The following PDE1C variants were observed in gnomAD, a reference collection of about 807,000 sequenced individuals.
The protein encoded by PDE1C is phosphodiesterase 1C, also known as dual specificity calcium/calmodulin-dependent 3',5'-cyclic nucleotide phosphodiesterase 1C.
A neutral mutation model predicts 93.1 loss-of-function variants in PDE1C; 62 were observed. That is an observed-to-expected ratio of 0.67 (90% confidence interval 0.54 to 0.82). PDE1C has a LOEUF of 0.82. PDE1C is among the 40% of genes least tolerant of loss of function. PDE1C has a pLI of 0.00. For missense variants in PDE1C, 742 were observed against 884.6 expected (o/e 0.84, Z 2.04); for synonymous variants, 325 against 310.1 (o/e 1.05, Z -0.50).
chr7:32,012,214 G>A (rs1040851872), intron 2 of PDE1C, among the ~76,000 whole-genome samples: 1 of 151,800 alleles, frequency 6.6e-6, no homozygotes, highest in Non-Finnish European at 1.5e-5. Context: ...ACACTGGCTT[G>A]GCCTCTAGTG....
upstream of PDE1C, among the ~76,000 whole-genome samples, chr7:32,071,731 G>A (rs1445133382): frequency 5.9e-5 from 9 of 152,106 alleles, no homozygotes; most frequent in African/African-American, 2.2e-4. Flanking sequence ...CTGGAAGAAC[G>A]GGACCAGGTA....
At chr7:31,925,316 G>T (rs1218361035) in intron 2 of PDE1C, among the ~76,000 whole-genome samples, 1 of 152,024 alleles carries the variant, frequency 6.6e-6, no homozygotes, top group Non-Finnish European at 1.5e-5. Flanking sequence ...CCATCAGTGG[G>T]GAGAATAGTT....
At chr7:32,245,435 C>A (rs1003316254) in intron 1 of PDE1C, among the ~76,000 whole-genome samples, 4 of 152,230 alleles carry the variant, frequency 2.6e-5, no homozygotes, top group Non-Finnish European at 5.9e-5. Context: ...GAATTCATTT[C>A]TGTGAGCTTT....
At chr7:32,345,618 T>A (rs1268191665) in intron 1 of PDE1C, among the ~76,000 whole-genome samples, 2 of 152,162 alleles carry the variant, frequency 1.3e-5, no homozygotes, top group Non-Finnish European at 2.9e-5. Flanking sequence ...TGACTTGTAT[T>A]CAGAAGACAT....
chr7:31,724,589 C>T, the PDE1C span, among the ~76,000 whole-genome samples: 3 of 152,180 alleles, frequency 2.0e-5, no homozygotes, highest in African/African-American at 7.2e-5. Flanking sequence ...TAGCCCAGTG[C>T]CCCACAGCCC....
chr7:32,376,892 T>C (rs1322062217), intron 1 of PDE1C, among the ~76,000 whole-genome samples: 2 of 152,098 alleles, frequency 1.3e-5, no homozygotes, highest in African/African-American at 4.8e-5. Context: ...TTTCACCATG[T>C]CAGCCAGGAT....
chr7:31,709,970 A>G, the PDE1C span, among the ~76,000 whole-genome samples: 1,001 of 152,100 alleles, frequency 6.6e-3, 8 homozygotes, highest in African/African-American at 0.023. Flanking sequence ...GGCAACACAG[A>G]GAGACTCTGT....
At chr7:32,125,293 T>C (rs1308880651) in intron 3 of PDE1C, among the ~76,000 whole-genome samples, 2 of 152,146 alleles carry the variant, frequency 1.3e-5, no homozygotes, top group African/African-American at 4.8e-5. Context: ...GTTCAATAAT[T>C]ATGGAAGACA....
intron 1 of PDE1C, among the ~76,000 whole-genome samples, chr7:32,327,970 T>C (rs1266214821): frequency 6.6e-6 from 1 of 152,176 alleles, no homozygotes; most frequent in Non-Finnish European, 1.5e-5. Context: ...TTTAGATCAT[T>C]TCCAGTTTGA....
chr7:32,268,714 G>T (rs1422033971), intron 1 of PDE1C, among the ~76,000 whole-genome samples: 1 of 152,134 alleles, frequency 6.6e-6, no homozygotes, highest in African/African-American at 2.4e-5. Context: ...GGGAAAAAAT[G>T]AATTTATTAT....
chr7:32,201,923 C>T (rs182071726), intron 2 of PDE1C, among the ~76,000 whole-genome samples: 307 of 152,260 alleles, frequency 2.0e-3, no homozygotes, highest in Middle Eastern at 0.017. Flanking sequence ...GGAGGAGCTT[C>T]GTAGCACATC....
At chr7:32,262,083 G>A (rs1810249127) in intron 1 of PDE1C, among the ~76,000 whole-genome samples, 1 of 150,344 alleles carries the variant, frequency 6.7e-6, no homozygotes, top group Non-Finnish European at 1.5e-5. Context: ...ACCAGGTAGA[G>A]GGGTAGAACT....
chr7:32,232,614 A>C (rs1807784103), intron 1 of PDE1C, among the ~76,000 whole-genome samples: 1 of 152,234 alleles, frequency 6.6e-6, no homozygotes, highest in East Asian at 1.9e-4. Flanking sequence ...CACATGAGGG[A>C]CATGGTGGAA....
At chr7:31,998,276 C>T (rs1421322480) in intron 2 of PDE1C, among the ~76,000 whole-genome samples, 1 of 152,164 alleles carries the variant, frequency 6.6e-6, no homozygotes, top group Non-Finnish European at 1.5e-5. Flanking sequence ...GCCTTGGCCT[C>T]CCAAAGTGCT....
At chr7:31,928,942 C>T (rs1803789133) in intron 2 of PDE1C, among the ~76,000 whole-genome samples, 1 of 152,158 alleles carries the variant, frequency 6.6e-6, no homozygotes, top group South Asian at 2.1e-4. Context: ...CAATATTAAC[C>T]TTAAATGTAA....
intron 2 of PDE1C, among the ~76,000 whole-genome samples, chr7:31,884,827 CCTCT>C (rs1409521138): frequency 6.6e-6 from 1 of 152,120 alleles, no homozygotes; most frequent in African/African-American, 2.4e-5. Flanking sequence ...AATAAGGACC[CCTCT>C]CTATTTGTCA....
chr7:32,049,903 G>T (rs1019375378), intron 2 of PDE1C, among the ~76,000 whole-genome samples: 14 of 152,230 alleles, frequency 9.2e-5, no homozygotes, highest in African/African-American at 3.1e-4. Context: ...TGTGTCCTTA[G>T]GCAATATTGA....
At chr7:32,184,416 A>G (rs952911532) in intron 2 of PDE1C, among the ~76,000 whole-genome samples, 1 of 152,206 alleles carries the variant, frequency 6.6e-6, no homozygotes, top group African/African-American at 2.4e-5. Context: ...TCCAACAATG[A>G]TAGACTGGAT....
intron 1 of PDE1C, among the ~76,000 whole-genome samples, chr7:32,224,233 C>T (rs767179470): frequency 3.2e-4 from 48 of 152,156 alleles, no homozygotes; most frequent in Admixed American, 2.7e-3. Flanking sequence ...ATTAGCTGGG[C>T]GTGATGGCAC....
Sources: gnomAD v4.1 joint callset for allele counts (sites outside exome capture counted in the v4.1 genomes callset) on GRCh38, gnomAD v4.1.1 for gene constraint, MANE v1.5 for transcripts, NCBI Gene and HGNC (gene_info 2026-07-23, HGNC 2026-07-21) for gene names.